PSG2: variants seen among roughly 807,000 people sequenced by gnomAD.
PSG2 encodes the protein pregnancy specific beta-1-glycoprotein 2, also known as pregnancy-specific beta-1-glycoprotein 2.
A neutral mutation model predicts 36.2 loss-of-function variants in PSG2; 49 were observed. That is an observed-to-expected ratio of 1.35 (90% CI 1.08 to 1.72). The LOEUF (loss-of-function observed/expected upper bound fraction) is 1.72, where lower values mean the gene tolerates loss of function less well. PSG2 is among the 40% of genes most tolerant of loss of function. PSG2 has a pLI of 0.00. For synonymous variants in PSG2, 261 were observed against 155.6 expected, an observed-to-expected ratio of 1.68 and a Z score of -5.04; for missense variants, 605 against 407.2, an observed-to-expected ratio of 1.49 and a Z score of -4.18.
rs550339975 is a variant in PSG2, at chr19:43,081,628, C to G, written c.65-382G>C. Among the ~76,000 whole-genome samples, 13 of 151,716 alleles carry G rather than the reference C, an allele frequency of 8.6e-5. No individual in the cohort carries two copies. The East Asian group carries it at 2.3e-3, about 27-fold the overall frequency. On this transcript the variant is annotated intron_variant, in intron 1 of 5. Coordinates refer to ENST00000406487, the MANE Select transcript of PSG2 (RefSeq NM_031246.4). ...TTCAGAGACCCTGGGTCTTCCCTTTCTGACCTTTCCCTGCTCTGCTCCCTA... is the reference window on the plus strand; with the variant it reads ...TTCAGAGACCCTGGGTCTTCCCTTTGTGACCTTTCCCTGCTCTGCTCCCTA...
At chr19:43,072,003 G>T (rs1967825743) in intron 3 of PSG2, 49 bp from the exon 4 acceptor site, 2 of 1,594,714 alleles carry the variant, frequency 1.3e-6, no homozygotes, top group African/African-American at 1.4e-5. Flanking sequence ...GAGGGAAGGG[G>T]ATGCTCCTGG....
chr19:43,079,623 G>C (rs1967943336), intron 2 of PSG2, among the ~76,000 whole-genome samples: 1 of 151,612 alleles, frequency 6.6e-6, no homozygotes, highest in Non-Finnish European at 1.5e-5. Context: ...GGACACTTTG[G>C]GAAACACAGG....
At chr19:43,072,958 G>T (rs373919155) in intron 3 of PSG2, among the ~76,000 whole-genome samples, 1 of 151,628 alleles carries the variant, frequency 6.6e-6, no homozygotes, top group Non-Finnish European at 1.5e-5. Flanking sequence ...CTCACCTTGG[G>T]TTCCTTACCT....
intron 3 of PSG2, among the ~76,000 whole-genome samples, chr19:43,074,630 G>A (rs765705026): frequency 6.6e-6 from 1 of 151,604 alleles, no homozygotes; most frequent in African/African-American, 2.4e-5. Context: ...CAGAGGGCAG[G>A]TGGCTCTTCC....
intron 4 of PSG2, among the ~76,000 whole-genome samples, chr19:43,069,235 T>C (rs959759329): frequency 7.9e-5 from 12 of 151,512 alleles, no homozygotes; most frequent in African/African-American, 2.9e-4. Flanking sequence ...TTGAAGGACA[T>C]TTTGTTTTCA....
At chr19:43,068,015 C>T (rs7245715) in intron 4 of PSG2, among the ~76,000 whole-genome samples, 2,163 of 150,918 alleles carry the variant, frequency 0.014, 83 homozygotes, top group African/African-American at 0.048. Context: ...AAATGGAGAA[C>T]GGAAACAGAA....
intron 3 of PSG2, among the ~76,000 whole-genome samples, chr19:43,073,169 G>T (rs1426825310): frequency 6.6e-6 from 1 of 151,844 alleles, no homozygotes; most frequent in Non-Finnish European, 1.5e-5. Context: ...GGAGACCAGA[G>T]TCAAGCCTGG....
chr19:43,070,815 A>G (rs1755061530), intron 4 of PSG2, among the ~76,000 whole-genome samples: 1 of 151,650 alleles, frequency 6.6e-6, no homozygotes, highest in Non-Finnish European at 1.5e-5. Flanking sequence ...AGAAATAGCT[A>G]ATGGTAAGCC....
chr19:43,072,605 G>C, intron 3 of PSG2: 1 of 1,611,586 alleles, frequency 6.2e-7, no homozygotes, highest in Admixed American at 1.7e-5. Flanking sequence ...GTTGTTGATG[G>C]TGATTTAGGG....
intron 1 of PSG2, 113 bp downstream of exon 1, chr19:43,082,393 G>C (rs1315252003): frequency 1.3e-6 from 2 of 1,497,144 alleles, no homozygotes; most frequent in Non-Finnish European, 1.8e-6. Context: ...ACCCACCTCA[G>C]CCTCCCTAAG....
chr19:43,082,295 A>T, intron 1 of PSG2: 1 of 701,234 alleles, frequency 1.4e-6, no homozygotes, highest in Non-Finnish European at 2.2e-6. Flanking sequence ...AACACACGAC[A>T]ATACCTGGTT....
intron 2 of PSG2, among the ~76,000 whole-genome samples, chr19:43,080,631 C>T (rs1373470992): frequency 4.0e-5 from 6 of 151,588 alleles, no homozygotes; most frequent in Non-Finnish European, 5.9e-5. Context: ...CTGATCTCCT[C>T]CTGCTGAGTC....
At position 43,064,429 on chromosome 19, in the gene PSG2, C is replaced by T. The variant is rs1967712079; in HGVS notation, c.*213G>A. 1 of 350,284 alleles carries T rather than the reference C, an allele frequency of 2.9e-6. No homozygotes were observed. The highest frequency in any genetic ancestry group is 2.1e-5 in the African/African-American group (1 of 46,528). The allele number at this position is 350,284 out of a possible 1,614,324, so 21.7% of individuals were successfully genotyped here. On this transcript the variant is annotated 3_prime_UTR_variant, in exon 6 of 6. Coordinates refer to ENST00000406487, the MANE Select transcript of PSG2 (RefSeq NM_031246.4). Reference sequence around the variant, plus strand: ...AATAGAAAATTATGAAATCATTATCCTTTTGATTATTTAGTCCAATAACAT... The same window carrying T: ...AATAGAAAATTATGAAATCATTATCTTTTTGATTATTTAGTCCAATAACAT...
chr19:43,080,863 T>C lies in PSG2; in HGVS notation c.430+18A>G. On this transcript the variant is annotated intron_variant, in intron 2 of 5. Coordinates refer to ENST00000406487, the MANE Select transcript of PSG2 (RefSeq NM_031246.4). ...ACCCCTGTCCCCCAACACCCAGGGA[T>C]CATGTGGAATCACTTACGGTATAAG... 4.3e-6 allele frequency: 7 copies of C among 1,611,750 alleles called. No individual in the cohort carries two copies. Among genetic ancestry groups the C allele is most frequent in the African/African-American group, 1.3e-5 (1 of 74,390 alleles).
chr19:43,071,840 A>G lies in PSG2; in HGVS notation c.824T>C (p.Ile275Thr), dbSNP rs754016546. ...TCCTGATTGCTGAAACTTCCCATTA[A>G]TTGTCCAAGAATACTGTGCCGGTGG... ...SNPPAQYSWTINGKFQQSGQN... is the reference protein window; with the variant it reads ...SNPPAQYSWTTNGKFQQSGQN... The change falls in exon 4 of 6, where the codon ATT becomes ACT. Residue 275 changes from isoleucine to threonine, a missense_variant. Ile to Thr is a moderately conservative substitution (Grantham distance 89, BLOSUM62 -1). Transcript: ENST00000406487. 2 of 1,613,082 alleles carry G rather than the reference A, an allele frequency of 1.2e-6. No individual in the cohort carries two copies. The highest frequency in any genetic ancestry group is 1.7e-5 in the Admixed American group (1 of 59,950).
intron 5 of PSG2, among the ~76,000 whole-genome samples, chr19:43,065,029 G>A (rs1394728402): frequency 6.6e-6 from 1 of 151,562 alleles, no homozygotes; most frequent in African/African-American, 2.4e-5. Flanking sequence ...TAGAGATGGG[G>A]TTTCACCGTG....
intron 4 of PSG2, among the ~76,000 whole-genome samples, chr19:43,066,805 C>T (rs775277309): frequency 1.3e-5 from 2 of 151,540 alleles, no homozygotes; most frequent in Non-Finnish European, 2.9e-5. Flanking sequence ...GATCAGTCCT[C>T]TGTCAATTCT....
At chr19:43,080,430 C>G (rs1399926938) in intron 2 of PSG2, among the ~76,000 whole-genome samples, 1 of 151,692 alleles carries the variant, frequency 6.6e-6, no homozygotes, top group Non-Finnish European at 1.5e-5. Flanking sequence ...AAGCCACAAC[C>G]CAGCCCTGGC....
intron 2 of PSG2, among the ~76,000 whole-genome samples, chr19:43,078,231 A>T (rs576675015): frequency 4.0e-5 from 6 of 151,856 alleles, no homozygotes; most frequent in Admixed American, 2.0e-4. Context: ...AGCAAGAATG[A>T]TAATAGTTCC....
Sources: gnomAD v4.1 joint callset for allele counts (sites outside exome capture counted in the v4.1 genomes callset) on GRCh38, gnomAD v4.1.1 for gene constraint, MANE v1.5 for transcripts, NCBI Gene and HGNC (gene_info 2026-07-23, HGNC 2026-07-21) for gene names.